Variants in ARL9 observed in about 807,000 individuals in gnomAD.
ARL9 encodes ARF like GTPase 9.
In ARL9, 14 loss-of-function variants were observed where a neutral mutation model predicts 27.0. The ratio of observed to expected loss-of-function variants is 0.52; its 90% confidence interval spans 0.34 to 0.81. The LOEUF (loss-of-function observed/expected upper bound fraction) is 0.81. Among genes scored for constraint, ARL9 ranks in the 30% least tolerant of loss-of-function variants. The pLI, the probability that ARL9 is intolerant of heterozygous loss-of-function variation, is 0.01. For synonymous variants in ARL9, 106 were observed against 108.7 expected, an observed-to-expected ratio of 0.98 and a Z score of 0.15; for missense variants, 294 against 290.0, an observed-to-expected ratio of 1.01 and a Z score of -0.10.
At position 56,524,252 on chromosome 4, in the gene ARL9, A is replaced by G. The variant is rs756243516; in HGVS notation, c.*376A>G. 6.2e-6 allele frequency: 1 copy of G among 160,624 alleles called. No individual in the cohort carries two copies. The highest frequency in any genetic ancestry group is 1.4e-5 in the Non-Finnish European group (1 of 73,704). The allele number at this position is 160,624 out of a possible 1,614,324, so 9.9% of individuals were successfully genotyped here. On this transcript the variant is annotated 3_prime_UTR_variant, in exon 4 of 4. Transcript: ENST00000640821. ...GTTATATGTAAATATGCCATTTTCC[A>G]TCAGGAGCTTGAGCATCCACATTTG...
upstream of ARL9, chr4:56,505,629 C>G: frequency 1.5e-6 from 1 of 649,190 alleles, no homozygotes; most frequent in South Asian, 1.9e-5. Context: ...ACGCCTCCGC[C>G]CTTCCCTCTT....
upstream of ARL9, chr4:56,505,352 A>G (rs1721419564): frequency 6.6e-6 from 3 of 456,590 alleles, no homozygotes; most frequent in Non-Finnish European, 8.8e-6. Flanking sequence ...GAGCTGAGGG[A>G]AGGCTGAGAA....
intron 1 of ARL9, 138 bp from the exon 2 acceptor site, chr4:56,511,047 A>G (rs1721621810): frequency 1.3e-6 from 1 of 794,242 alleles, no homozygotes; most frequent in Non-Finnish European, 1.8e-6. Flanking sequence ...TGCTGGGATT[A>G]CAGGCGTGAG....
intron 2 of ARL9, among the ~76,000 whole-genome samples, chr4:56,517,171 G>A (rs112351543): frequency 0.015 from 2,256 of 152,220 alleles, 64 homozygotes; most frequent in African/African-American, 0.052. Context: ...CAACTCAAAC[G>A]TCCACTGATG....
intron 2 of ARL9, among the ~76,000 whole-genome samples, chr4:56,513,981 G>T (rs1273541909): frequency 6.6e-6 from 1 of 152,078 alleles, no homozygotes; most frequent in Non-Finnish European, 1.5e-5. Flanking sequence ...AACAACCTGG[G>T]CAATATGGCA....
At chr4:56,513,594 C>T (rs767451893) in intron 2 of ARL9, among the ~76,000 whole-genome samples, 11 of 152,196 alleles carry the variant, frequency 7.2e-5, no homozygotes, top group African/African-American at 2.4e-4. Flanking sequence ...ACTCTTCCTG[C>T]TCTTTCCCTC....
chr4:56,514,499 A>C (rs1721721629), intron 2 of ARL9, among the ~76,000 whole-genome samples: 1 of 152,206 alleles, frequency 6.6e-6, no homozygotes, highest in Non-Finnish European at 1.5e-5. Context: ...ATGAAGGAAA[A>C]AGAGCATATC....
At chr4:56,523,346 G>A (rs1196162715) in intron 3 of ARL9, among the ~76,000 whole-genome samples, 2 of 152,142 alleles carry the variant, frequency 1.3e-5, no homozygotes, top group South Asian at 2.1e-4. Flanking sequence ...TCAAGATTGC[G>A]CCACTGCACT....
chr4:56,505,942 A>G lies in ARL9; in HGVS notation c.80A>G (p.Glu27Gly). The G allele has an allele frequency of 8.1e-7, 1 of 1,229,110 alleles. No individual in the cohort carries two copies. The highest frequency in any genetic ancestry group is 1.0e-6 in the Non-Finnish European group (1 of 982,522). 76.1% of individuals were successfully genotyped at this position (1,229,110 alleles called of 1,614,324 possible). ...AAAATCGGAGAAAAGGGTAGGGAAG[A>G]GAAAGTGAAAAGAAAGGAGGTGGAG... Reference protein sequence around the residue: ...EEKIGEKGREEKVKRKEVEQK... With the variant: ...EEKIGEKGREGKVKRKEVEQK... The change falls in exon 1 of 4, where the codon GAG becomes GGG. Residue 27 changes from glutamate to glycine, a missense_variant. By Grantham distance (98) the Glu-to-Gly change is moderately conservative. Coordinates refer to ENST00000640821, the MANE Select transcript of ARL9 (RefSeq NM_001363794.2).
rs564592616 is a variant in ARL9, at chr4:56,518,935, C to G, written c.618+82C>G. On this transcript the variant is annotated intron_variant, in intron 3 of 3. Coordinates refer to ENST00000640821, the MANE Select transcript of ARL9 (RefSeq NM_001363794.2). ...ATACTTTTAATACCTAGATAGTCAA[C>G]AATATGCTATATATTTAACTCAGTT... is the stretch of plus-strand genomic sequence containing the variant. 7.1e-6 allele frequency: 9 copies of G among 1,269,502 alleles called. No homozygotes were observed. In the East Asian group the frequency reaches 1.0e-4, roughly 14 times the overall value. 78.6% of individuals were successfully genotyped at this position (1,269,502 alleles called of 1,614,324 possible). A position where few individuals can be genotyped will look rare whatever the true frequency, so the allele number is the denominator to read the frequency against.
At chr4:56,516,287 T>G (rs1721764244) in intron 2 of ARL9, among the ~76,000 whole-genome samples, 1 of 152,116 alleles carries the variant, frequency 6.6e-6, no homozygotes, top group South Asian at 2.1e-4. Flanking sequence ...CCTTATGACT[T>G]CAGGATAGAG....
chr4:56,510,774 CTTT>C (rs11320889), intron 1 of ARL9, among the ~76,000 whole-genome samples: 31 of 140,306 alleles, frequency 2.2e-4, no homozygotes, highest in Non-Finnish European at 1.7e-4. Flanking sequence ...AGTTTTATCC[CTTT>C]TTTTTTTTTT....
intron 2 of ARL9, 61 bp downstream of exon 2, chr4:56,511,408 T>C: frequency 6.7e-7 from 1 of 1,498,170 alleles, no homozygotes; most frequent in Non-Finnish European, 9.0e-7. Flanking sequence ...AAGCCAGATA[T>C]GATGTTAGCA....
At position 56,518,761 on chromosome 4, in the gene ARL9, G is replaced by A; in HGVS notation, c.526G>A (p.Asp176Asn). ...GCTGATCTTTGTGGTGGATTCAGCA[G>A]ATCACAGCCGATTACCTGAAGCCAA... ...LLLIFVVDSA[D>N]HSRLPEAKKY... Residue 176 changes from aspartate (D) to asparagine (N), a missense_variant, in exon 3 of 4, where the codon GAT becomes AAT. Physicochemically the swap from Asp to Asn is conservative, Grantham distance 23. Coordinates refer to ENST00000640821, the MANE Select transcript of ARL9 (RefSeq NM_001363794.2). 6.2e-7 allele frequency: 1 copy of A among 1,613,990 alleles called. No individual in the cohort carries two copies. Among genetic ancestry groups the A allele is most frequent in the Non-Finnish European group, 8.5e-7 (1 of 1,179,880 alleles).
intron 2 of ARL9, among the ~76,000 whole-genome samples, chr4:56,511,779 AATATT>A (rs1721641896): frequency 6.6e-6 from 1 of 152,166 alleles, no homozygotes; most frequent in Admixed American, 6.6e-5. Flanking sequence ...ACCACCTCTA[AATATT>A]ACTGTCTCCT....
At chr4:56,520,666 T>C (rs73818118) in intron 3 of ARL9, among the ~76,000 whole-genome samples, 1 of 152,162 alleles carries the variant, frequency 6.6e-6, no homozygotes, top group Non-Finnish European at 1.5e-5. Context: ...TTTTGTTACA[T>C]GTATTTAACA....
rs1334154170 is a variant in ARL9, at chr4:56,505,832, G to A, written c.-31G>A. On this transcript the variant is annotated 5_prime_UTR_variant, in exon 1 of 4. Coordinates refer to ENST00000640821, the MANE Select transcript of ARL9 (RefSeq NM_001363794.2). ...GCCACCGCTCAGCACGCGGGCACGC[G>A]GCGGGAGGGAAGGAAACCGCGGCGC... is the stretch of plus-strand genomic sequence containing the variant. 2.1e-5 allele frequency: 27 copies of A among 1,280,070 alleles called. No individual in the cohort carries two copies. Among genetic ancestry groups the A allele is most frequent in the Non-Finnish European group, 2.6e-5 (26 of 1,015,876 alleles). The allele number at this position is 1,280,070 out of a possible 1,614,324, so 79.3% of individuals were successfully genotyped here. A position where few individuals can be genotyped will look rare whatever the true frequency, so the allele number is the denominator to read the frequency against.
chr4:56,519,728 T>G (rs1221652224), intron 3 of ARL9, among the ~76,000 whole-genome samples: 2 of 152,234 alleles, frequency 1.3e-5, no homozygotes, highest in African/African-American at 4.8e-5. Flanking sequence ...CTTTATGTTT[T>G]ATATTGTTTT....
At position 56,523,691 on chromosome 4, in the gene ARL9, A is replaced by C. The variant is rs370504644; in HGVS notation, c.619-6A>C. 3.1e-6 allele frequency: 5 copies of C among 1,608,742 alleles called. No homozygotes were observed. The African/African-American group carries it at 6.7e-5, about 22-fold the overall frequency. On this transcript the variant is annotated splice_polypyrimidine_tract_variant and splice_region_variant and intron_variant, in intron 3 of 3. Transcript: ENST00000640821. ...TTGTCCTATTCTTATTCCACTCCGGATGAAGGATCTTGAAGCAGCCTATCA... is the reference window on the plus strand; with the variant it reads ...TTGTCCTATTCTTATTCCACTCCGGCTGAAGGATCTTGAAGCAGCCTATCA...
Sources: gnomAD v4.1 joint callset for allele counts (sites outside exome capture counted in the v4.1 genomes callset) on GRCh38, gnomAD v4.1.1 for gene constraint, MANE v1.5 for transcripts, NCBI Gene and HGNC (gene_info 2026-07-23, HGNC 2026-07-21) for gene names.